Variants in OLFM3 observed in about 807,000 individuals in gnomAD.
OLFM3 encodes noelin-3.
A neutral mutation model predicts 48.6 loss-of-function variants in OLFM3; 20 were observed. That is an observed-to-expected ratio of 0.41 (90% CI 0.29 to 0.60). The LOEUF (loss-of-function observed/expected upper bound fraction) is 0.60, where lower values mean the gene tolerates loss of function less well. Ranked by LOEUF, OLFM3 falls within the 20% of genes least tolerant of loss-of-function variation. The pLI is 0.28. For missense variants in OLFM3, 437 were observed against 544.3 expected (o/e 0.80, Z 1.96); for synonymous variants, 222 against 198.1 (o/e 1.12, Z -1.01).
intron 4 of OLFM3, among the ~76,000 whole-genome samples, chr1:101,824,612 T>C (rs1373858158): frequency 1.3e-5 from 2 of 151,156 alleles, no homozygotes; most frequent in Non-Finnish European, 2.9e-5. Flanking sequence ...GTAACTTTCC[T>C]TTCTCTAGTC....
intron 1 of OLFM3, among the ~76,000 whole-genome samples, chr1:101,910,342 T>C (rs1226103729): frequency 6.6e-6 from 1 of 151,784 alleles, no homozygotes; most frequent in Non-Finnish European, 1.5e-5. Context: ...AGCGGGCGCC[T>C]GTAATCCCAG....
intron 1 of OLFM3, among the ~76,000 whole-genome samples, chr1:101,979,814 G>T (rs961672298): frequency 6.6e-6 from 1 of 151,020 alleles, no homozygotes; most frequent in Non-Finnish European, 1.5e-5. Flanking sequence ...ATCCCCCAAC[G>T]GCTTGTACTG....
At chr1:101,899,315 T>C (rs1658312983) in intron 1 of OLFM3, among the ~76,000 whole-genome samples, 1 of 152,114 alleles carries the variant, frequency 6.6e-6, no homozygotes, top group South Asian at 2.1e-4. Context: ...GGCCTCTCCC[T>C]AGGGAAGCTC....
chr1:101,830,561 T>C, intron 3 of OLFM3, 111 bp downstream of exon 3: 2 of 1,130,136 alleles, frequency 1.8e-6, no homozygotes, highest in Non-Finnish European at 1.3e-6. Flanking sequence ...ATGAGTCTTT[T>C]ACCTTGCACA....
At chr1:101,904,902 C>A (rs1157627670) in intron 1 of OLFM3, among the ~76,000 whole-genome samples, 1 of 152,194 alleles carries the variant, frequency 6.6e-6, no homozygotes, top group South Asian at 2.1e-4. Flanking sequence ...AACTCCCTTT[C>A]AGCATGTGGT....
At chr1:101,903,614 C>A (rs1378152236) in intron 1 of OLFM3, among the ~76,000 whole-genome samples, 1 of 151,988 alleles carries the variant, frequency 6.6e-6, no homozygotes, top group Non-Finnish European at 1.5e-5. Flanking sequence ...CTATTTTATA[C>A]TTTGTTTATG....
intron 1 of OLFM3, among the ~76,000 whole-genome samples, chr1:101,965,256 G>C (rs1187642923): frequency 2.6e-5 from 4 of 152,094 alleles, no homozygotes; most frequent in Admixed American, 2.6e-4. Context: ...CAGGCTAACG[G>C]GAACTAACCT....
Position 101,803,996 on chromosome 1 carries a change from T to TA in OLFM3, c.*241_*242insT. On this transcript the variant is annotated 3_prime_UTR_variant, in exon 6 of 6. Transcript: ENST00000370103. ...ATGACTTTAGCCACTTAAACTCTTT[T>TA]TTTTTTTAGTGCTTTTCATGACAAG... 1 of 310,388 alleles carries TA rather than the reference T, an allele frequency of 3.2e-6. No homozygotes were observed. Among genetic ancestry groups the TA allele is most frequent in the Non-Finnish European group, 5.9e-6 (1 of 170,606 alleles). 19.2% of individuals were successfully genotyped at this position (310,388 alleles called of 1,614,324 possible).
chr1:101,824,986 A>G, intron 4 of OLFM3, 40 bp downstream of exon 4: 1 of 1,550,226 alleles, frequency 6.5e-7, no homozygotes, highest in Non-Finnish European at 8.9e-7. Flanking sequence ...TTGAAACTAT[A>G]TAAAAACGTA....
intron 4 of OLFM3, among the ~76,000 whole-genome samples, chr1:101,807,826 T>C (rs1213081126): frequency 6.6e-6 from 1 of 151,790 alleles, no homozygotes; most frequent in Non-Finnish European, 1.5e-5. Context: ...GAAGACTTTA[T>C]GACATTATCT....
At chr1:101,838,933 A>G (rs1326391887) in intron 1 of OLFM3, among the ~76,000 whole-genome samples, 2 of 152,186 alleles carry the variant, frequency 1.3e-5, no homozygotes, top group African/African-American at 4.8e-5. Context: ...CTCATCACAT[A>G]CCATAAACCA....
At chr1:101,911,003 T>A (rs1658744178) in intron 1 of OLFM3, among the ~76,000 whole-genome samples, 1 of 152,188 alleles carries the variant, frequency 6.6e-6, no homozygotes, top group South Asian at 2.1e-4. Context: ...CATTGTAATG[T>A]TAAAATATTT....
Position 101,804,348 on chromosome 1 carries a change from T to C in OLFM3, c.1267A>G (p.Met423Val). 1.2e-6 allele frequency: 2 copies of C among 1,612,382 alleles called. No homozygotes were observed. The highest frequency in any genetic ancestry group is 2.7e-5 in the African/African-American group (2 of 74,854). Residue 423 changes from methionine to valine, a missense_variant, in exon 6 of 6, where the codon ATG (methionine) becomes GTG (valine). Met to Val is a conservative substitution (Grantham distance 21, BLOSUM62 1). Transcript: ENST00000370103. This position sits in a 1 kb window ranked among gnomAD's most constrained non-coding sequence, Gnocchi z 4.5. ...CGATCTCTTGCATTGTAGTCAAGCATGGATATGTGAAAGTATTGGTTATGG... is the reference window on the plus strand; with the variant it reads ...CGATCTCTTGCATTGTAGTCAAGCACGGATATGTGAAAGTATTGGTTATGG... Reference protein sequence around the residue: ...PFHNQYFHISMLDYNARDRAL... With the variant: ...PFHNQYFHISVLDYNARDRAL...
intron 1 of OLFM3, among the ~76,000 whole-genome samples, chr1:101,910,629 T>C (rs937947202): frequency 6.6e-6 from 1 of 152,244 alleles, no homozygotes; most frequent in Non-Finnish European, 1.5e-5. Context: ...GTCAATTTCC[T>C]GGCTTTCTTC....
intron 1 of OLFM3, among the ~76,000 whole-genome samples, chr1:101,912,181 G>T (rs947877893): frequency 6.6e-6 from 1 of 152,082 alleles, no homozygotes; most frequent in African/African-American, 2.4e-5. Context: ...TGCCTTTTCG[G>T]GTTTCTGTGC....
chr1:101,905,302 C>A (rs1233735984), intron 1 of OLFM3, among the ~76,000 whole-genome samples: 1 of 152,096 alleles, frequency 6.6e-6, no homozygotes, highest in East Asian at 1.9e-4. Context: ...CATTGGATTG[C>A]AATTGACTCA....
intron 1 of OLFM3, among the ~76,000 whole-genome samples, chr1:101,885,452 A>T (rs924137003): frequency 3.3e-5 from 5 of 152,060 alleles, no homozygotes; most frequent in Admixed American, 3.3e-4. Context: ...AAAAAGCAAA[A>T]GTTAGAAAGA....
intron 5 of OLFM3, among the ~76,000 whole-genome samples, chr1:101,805,449 C>A (rs1020923509): frequency 6.6e-6 from 1 of 151,744 alleles, no homozygotes; most frequent in African/African-American, 2.4e-5. Flanking sequence ...TAATAACTAA[C>A]CTCATTTAGA....
chr1:101,887,834 A>G (rs528217321), intron 1 of OLFM3, among the ~76,000 whole-genome samples: 1 of 152,196 alleles, frequency 6.6e-6, no homozygotes, highest in Non-Finnish European at 1.5e-5. Flanking sequence ...CAGAAAAAAA[A>G]AAGCATCAGT....
Sources: allele counts gnomAD v4.1 joint callset (sites outside exome capture counted in the v4.1 genomes callset), GRCh38; gene constraint gnomAD v4.1.1; non-coding constraint Gnocchi (gnomAD v3.1); transcripts MANE v1.5; gene names NCBI Gene and HGNC (gene_info 2026-07-23, HGNC 2026-07-21).